TANK: variants seen among roughly 807,000 people sequenced by gnomAD.
TANK encodes TRAF family member associated NFKB activator.
A neutral mutation model predicts 43.6 loss-of-function variants in TANK; 15 were observed. The ratio of observed to expected loss-of-function variants is 0.34; its 90% CI spans 0.23 to 0.53. The LOEUF is 0.53. TANK is among the 20% of genes least tolerant of loss of function. The pLI, the probability that TANK is intolerant of heterozygous loss-of-function variation, is 0.94. For missense variants in TANK, 417 were observed against 498.6 expected, an observed-to-expected ratio of 0.84 and a Z score of 1.56; for synonymous variants, 162 against 178.2, an observed-to-expected ratio of 0.91 and a Z score of 0.73.
chr2:161,159,281 T>G (rs951408720), upstream of TANK: 1 of 151,892 alleles, frequency 6.6e-6, no homozygotes, highest in Non-Finnish European at 1.5e-5. Flanking sequence ...CACACTGGGG[T>G]GAGGGATGTT....
chr2:161,192,852 C>T (rs897728800), intron 2 of TANK, among the ~76,000 whole-genome samples: 1 of 152,164 alleles, frequency 6.6e-6, no homozygotes, highest in African/African-American at 2.4e-5. Flanking sequence ...ATCTAAGTTG[C>T]AGAATCTATA....
chr2:161,196,184 G>A (rs1179965650), intron 2 of TANK, among the ~76,000 whole-genome samples: 2 of 152,178 alleles, frequency 1.3e-5, no homozygotes, highest in African/African-American at 2.4e-5. Flanking sequence ...GTATAGATAA[G>A]AGCACCATAT....
chr2:161,226,574 C>T (rs903673017), intron 6 of TANK, among the ~76,000 whole-genome samples: 5 of 151,958 alleles, frequency 3.3e-5, no homozygotes, highest in African/African-American at 1.2e-4. Flanking sequence ...GGGAAGAGTA[C>T]GTGTATTGTC....
chr2:161,139,558 A>G (rs1474173589), intron 1 of TANK, among the ~76,000 whole-genome samples: 1 of 152,228 alleles, frequency 6.6e-6, no homozygotes, highest in Non-Finnish European at 1.5e-5. Flanking sequence ...TTGCTTTGGT[A>G]ATAAAGGTAG....
At chr2:161,219,711 C>G (rs1687260319) in intron 4 of TANK, 2 of 443,542 alleles carry the variant, frequency 4.5e-6, no homozygotes, top group Non-Finnish European at 4.6e-6. Flanking sequence ...TTTTCACTTT[C>G]TCCCTGATTC....
At chr2:161,191,011 C>T (rs150506378) in intron 2 of TANK, among the ~76,000 whole-genome samples, 71 of 152,254 alleles carry the variant, frequency 4.7e-4, no homozygotes, top group African/African-American at 1.5e-3. Flanking sequence ...TGCTATTCAA[C>T]TTGTCACTCA....
At chr2:161,159,563 A>G (rs1684316754), upstream of TANK, among the ~76,000 whole-genome samples, 1 of 152,250 alleles carries the variant, frequency 6.6e-6, no homozygotes, top group Non-Finnish European at 1.5e-5. Flanking sequence ...ATACAGCAAC[A>G]TTCAAGATAA....
intron 4 of TANK, among the ~76,000 whole-genome samples, chr2:161,215,515 T>C (rs1026059009): frequency 6.6e-6 from 1 of 152,232 alleles, no homozygotes; most frequent in African/African-American, 2.4e-5. Flanking sequence ...GATACCTGCA[T>C]TTTCTAGTAT....
At chr2:161,212,958 A>C (rs1686957544) in intron 4 of TANK, among the ~76,000 whole-genome samples, 2 of 152,256 alleles carry the variant, frequency 1.3e-5, no homozygotes, top group African/African-American at 2.4e-5. Context: ...CAAGGGCCAC[A>C]GGCTGCTTCC....
At chr2:161,191,668 C>T (rs1685919770) in intron 2 of TANK, among the ~76,000 whole-genome samples, 1 of 152,188 alleles carries the variant, frequency 6.6e-6, no homozygotes, top group Non-Finnish European at 1.5e-5. Flanking sequence ...AAATGTTTGA[C>T]CACAAACTTC....
At position 161,235,413 on chromosome 2, in the gene TANK, T is replaced by C. The variant is rs993900773; in HGVS notation, c.1173T>C (p.His391=). Residue 391 remains histidine (H), a synonymous_variant, in exon 8 of 8, where the codon CAT becomes CAC. Coordinates refer to ENST00000392749, the MANE Select transcript of TANK (RefSeq NM_001199135.3). Reference sequence around the variant, plus strand: ...TAAGTGGCACAGACTCAGAACTGCATATACCTCGAGTATGTGAATTCTGTC... The same window carrying C: ...TAAGTGGCACAGACTCAGAACTGCACATACCTCGAGTATGTGAATTCTGTC... The part of the protein sequence containing the change: ...VVLSGTDSEL[H]IPRVCEFCQA... 2 of 1,613,836 alleles carry C rather than the reference T, an allele frequency of 1.2e-6. No individual in the cohort carries two copies. Among genetic ancestry groups the C allele is most frequent in the African/African-American group, 2.7e-5 (2 of 74,920 alleles).
At chr2:161,188,140 A>G (rs1184714647) in intron 2 of TANK, among the ~76,000 whole-genome samples, 1 of 152,152 alleles carries the variant, frequency 6.6e-6, no homozygotes, top group Non-Finnish European at 1.5e-5. Flanking sequence ...TTATGCCTGA[A>G]GAAACTAGAG....
At chr2:161,212,312 C>T (rs1558999183) in intron 4 of TANK, 5 of 896,040 alleles carry the variant, frequency 5.6e-6, no homozygotes, top group East Asian at 1.2e-4. Flanking sequence ...CCACCTGCCT[C>T]GGCCTCCCAT....
intron 5 of TANK, 92 bp from the exon 6 acceptor site, chr2:161,224,539 G>A (rs1484742556): frequency 8.2e-6 from 4 of 485,586 alleles, no homozygotes; most frequent in African/African-American, 4.0e-5. Flanking sequence ...TAATTATTTT[G>A]TGGCACATAA....
At position 161,165,962 on chromosome 2, in the gene TANK, G is replaced by A. The variant is rs144674077; in HGVS notation, c.-50+5476G>A. 2.8e-3 allele frequency among the ~76,000 whole-genome samples: 421 copies of A among 152,322 alleles called. 3 individuals carry two copies. The highest frequency in any genetic ancestry group is 9.7e-3 in the African/African-American group (404 of 41,564). On this transcript the variant is annotated intron_variant, in intron 1 of 7. Transcript: ENST00000392749. ...TTAAACCCATAACATTTGATAAATAGTCTCAGAGAAAGAAGTATTACTGGA... is the reference window on the plus strand; with the variant it reads ...TTAAACCCATAACATTTGATAAATAATCTCAGAGAAAGAAGTATTACTGGA...
chr2:161,228,849 C>T (rs1360893824), intron 6 of TANK, among the ~76,000 whole-genome samples: 5 of 152,144 alleles, frequency 3.3e-5, no homozygotes, highest in Non-Finnish European at 7.3e-5. Context: ...CATTGTGTTA[C>T]CTGCAGTATT....
At chr2:161,233,225 A>G (rs1688008388) in intron 7 of TANK, among the ~76,000 whole-genome samples, 1 of 152,148 alleles carries the variant, frequency 6.6e-6, no homozygotes, top group African/African-American at 2.4e-5. Context: ...CTCTACAAAT[A>G]CGTATAGTTA....
chr2:161,158,050 A>C (rs1377086188), upstream of TANK, among the ~76,000 whole-genome samples: 1 of 151,792 alleles, frequency 6.6e-6, no homozygotes, highest in Non-Finnish European at 1.5e-5. Context: ...TTCATTAATT[A>C]ATATTATTAA....
In TANK at chr2:161,204,571, A is replaced by G. The variant is rs41264221; in HGVS notation, c.209-104A>G. Reference sequence around the variant, plus strand: ...AATTTTCTAAAACTCCTACCTTAAAATGTATTCTCTTTATGGTTTTGAGTT... The same window carrying G: ...AATTTTCTAAAACTCCTACCTTAAAGTGTATTCTCTTTATGGTTTTGAGTT... On this transcript the variant is annotated intron_variant, in intron 3 of 7. Coordinates refer to ENST00000392749, the MANE Select transcript of TANK (RefSeq NM_001199135.3). The G allele has an allele frequency of 6.8e-3, 7,093 of 1,037,684 alleles. 45 individuals are homozygous for G. The highest frequency in any genetic ancestry group is 8.9e-3 in the Non-Finnish European group (6,340 of 713,844). The allele number at this position is 1,037,684 out of a possible 1,614,324, so 64.3% of individuals were successfully genotyped here.
Sources: allele counts gnomAD v4.1 joint callset (sites outside exome capture counted in the v4.1 genomes callset), GRCh38; gene constraint gnomAD v4.1.1; transcripts MANE v1.5; gene names NCBI Gene and HGNC (gene_info 2026-07-23, HGNC 2026-07-21).